The following LPIN1 variants were observed in gnomAD, a reference collection of about 807,000 sequenced individuals.
LPIN1 encodes lipin 1.
A neutral mutation model predicts 107.5 loss-of-function variants in LPIN1; 71 were observed. The ratio of observed to expected loss-of-function variants is 0.66; its 90% CI spans 0.55 to 0.80. The LOEUF (loss-of-function observed/expected upper bound fraction) is 0.80. Among genes scored for constraint, LPIN1 ranks in the 30% least tolerant of loss-of-function variants. The pLI is 0.00. For synonymous variants in LPIN1, 445 were observed against 452.6 expected, an observed-to-expected ratio of 0.98 and a Z score of 0.21; for missense variants, 1,043 against 1,160.6, an observed-to-expected ratio of 0.90 and a Z score of 1.47.
intron 2 of LPIN1, chr2:11,713,865 A>G (rs1663560264): frequency 1.6e-6 from 2 of 1,240,048 alleles, no homozygotes; most frequent in Non-Finnish European, 2.3e-6. Flanking sequence ...TTTTAAGATT[A>G]GAGAAAATAC....
At chr2:11,722,725 C>G (rs1397455918), upstream of LPIN1, among the ~76,000 whole-genome samples, 1 of 152,164 alleles carries the variant, frequency 6.6e-6, no homozygotes, top group East Asian at 1.9e-4. Flanking sequence ...ATACTGTACA[C>G]TTTTGAGGAT....
intron 1 of LPIN1, among the ~76,000 whole-genome samples, chr2:11,749,284 C>T (rs1374160427): frequency 6.6e-6 from 1 of 152,096 alleles, no homozygotes; most frequent in Non-Finnish European, 1.5e-5. Context: ...AGAGAGGGGC[C>T]CATGCCTGTG....
At chr2:11,805,244 G>T in intron 17 of LPIN1, 88 bp downstream of exon 17, 1 of 1,066,216 alleles carries the variant, frequency 9.4e-7, no homozygotes, top group East Asian at 2.4e-5. Flanking sequence ...GTCCCAGCAC[G>T]GGGTGACTTG....
At chr2:11,734,704 T>A (rs1043123296) in intron 1 of LPIN1, among the ~76,000 whole-genome samples, 1 of 152,150 alleles carries the variant, frequency 6.6e-6, no homozygotes, top group Non-Finnish European at 1.5e-5. Flanking sequence ...CCAGATCTCT[T>A]AGGAAACACT....
intron 6 of LPIN1, chr2:11,777,061 C>G (rs543685542): frequency 6.6e-6 from 1 of 152,254 alleles, no homozygotes; most frequent in Admixed American, 6.5e-5. Flanking sequence ...CTAATAAATA[C>G]CTTGTTTATG....
intron 8 of LPIN1, among the ~76,000 whole-genome samples, chr2:11,783,343 T>C (rs1161912981): frequency 6.6e-6 from 1 of 152,170 alleles, no homozygotes; most frequent in Non-Finnish European, 1.5e-5. Flanking sequence ...CGTTTAGTGC[T>C]CAGTACACTT....
intron 13 of LPIN1, among the ~76,000 whole-genome samples, chr2:11,793,406 C>G (rs897421972): frequency 4.6e-5 from 7 of 152,216 alleles, no homozygotes; most frequent in African/African-American, 1.7e-4. Context: ...ACTGCAGATG[C>G]ATTGGTCTCT....
At chr2:11,758,188 C>T (rs928852850) in intron 1 of LPIN1, among the ~76,000 whole-genome samples, 11 of 152,108 alleles carry the variant, frequency 7.2e-5, no homozygotes, top group African/African-American at 2.7e-4. Flanking sequence ...GGAGTTGCTG[C>T]CTCCTTTTGG....
chr2:11,773,440 A>C (rs1412059854), intron 4 of LPIN1, among the ~76,000 whole-genome samples, 180 bp from the exon 5 acceptor site: 4 of 152,186 alleles, frequency 2.6e-5, no homozygotes, highest in East Asian at 1.9e-4. Flanking sequence ...TAGCACATAG[A>C]CACGTTTATG....
At chr2:11,702,008 G>T (rs1198827423) in intron 1 of LPIN1, among the ~76,000 whole-genome samples, 1 of 152,202 alleles carries the variant, frequency 6.6e-6, no homozygotes, top group Non-Finnish European at 1.5e-5. Flanking sequence ...GTGGCTGTCG[G>T]ATGCCAAGTG....
chr2:11,724,271 T>C, upstream of LPIN1: 2 of 873,142 alleles, frequency 2.3e-6, no homozygotes, highest in Non-Finnish European at 2.7e-6. Flanking sequence ...GCTGATGTCA[T>C]AGTCCCCGTG....
At chr2:11,727,403 T>C (rs1271647864) in intron 1 of LPIN1, among the ~76,000 whole-genome samples, 1 of 152,228 alleles carries the variant, frequency 6.6e-6, no homozygotes, top group Non-Finnish European at 1.5e-5. Context: ...TCTTTACTTT[T>C]TGGCACCTCC....
At chr2:11,802,035 G>A (rs551612470) in intron 14 of LPIN1, among the ~76,000 whole-genome samples, 29 of 152,270 alleles carry the variant, frequency 1.9e-4, no homozygotes, top group African/African-American at 5.8e-4. Flanking sequence ...GCAAAGTACC[G>A]GAGGGCTTGG....
chr2:11,734,143 A>G (rs1307144631), intron 1 of LPIN1, among the ~76,000 whole-genome samples: 1 of 152,174 alleles, frequency 6.6e-6, no homozygotes, highest in African/African-American at 2.4e-5. Context: ...TCACATTGCA[A>G]TGTGACATTT....
At chr2:11,802,464 T>C (rs899358960) in intron 14 of LPIN1, among the ~76,000 whole-genome samples, 2 of 152,178 alleles carry the variant, frequency 1.3e-5, no homozygotes, top group African/African-American at 4.8e-5. Context: ...CCCTAATTGC[T>C]TGGAGTTGTA....
intron 2 of LPIN1, among the ~76,000 whole-genome samples, chr2:11,716,445 C>G (rs1333838815): frequency 6.6e-6 from 1 of 152,118 alleles, no homozygotes; most frequent in African/African-American, 2.4e-5. Flanking sequence ...AGTCTCCTCT[C>G]TCTCTCTGTC....
intron 17 of LPIN1, chr2:11,805,425 G>C: frequency 1.8e-6 from 1 of 562,972 alleles, no homozygotes; most frequent in Non-Finnish European, 3.2e-6. Context: ...GGCAGCATTA[G>C]GGGTGAGACT....
At chr2:11,766,305 C>T (rs915542619) in intron 2 of LPIN1, among the ~76,000 whole-genome samples, 14 of 151,722 alleles carry the variant, frequency 9.2e-5, no homozygotes, top group Admixed American at 2.0e-4. Flanking sequence ...TCACAAGCTG[C>T]CTGGGCTCAA....
At chr2:11,720,251 G>C (rs1020877377), upstream of LPIN1, among the ~76,000 whole-genome samples, 1 of 152,002 alleles carries the variant, frequency 6.6e-6, no homozygotes, top group African/African-American at 2.4e-5. Flanking sequence ...TTTTTATTAT[G>C]ATGAATATCT....
Sources: allele counts gnomAD v4.1 joint callset (sites outside exome capture counted in the v4.1 genomes callset), GRCh38; gene constraint gnomAD v4.1.1; transcripts MANE v1.5; gene names NCBI Gene and HGNC (gene_info 2026-07-23, HGNC 2026-07-21).